GREB1: variants seen among roughly 807,000 people sequenced by gnomAD.
GREB1 encodes the protein protein GREB1.
Under a neutral mutation model 200.7 loss-of-function variants are expected in GREB1, and 106 were observed. That is an observed-to-expected ratio of 0.53 (90% CI 0.45 to 0.62). The LOEUF (loss-of-function observed/expected upper bound fraction) is 0.62. GREB1 is among the 20% of genes least tolerant of loss of function. GREB1 has a pLI of 0.00. For missense variants in GREB1, 2,243 were observed against 2,556.8 expected (o/e 0.88, Z 2.65); for synonymous variants, 1,132 against 1,092.4 (o/e 1.04, Z -0.72).
intron 1 of GREB1, among the ~76,000 whole-genome samples, chr2:11,489,127 T>TAA (rs1443729985): frequency 1.3e-5 from 2 of 152,138 alleles, no homozygotes; most frequent in African/African-American, 4.8e-5. Context: ...AGCCTCATAC[T>TAA]GGTAGGAACA....
chr2:11,624,828 T>C (rs1285799195), intron 23 of GREB1, among the ~76,000 whole-genome samples: 1 of 152,206 alleles, frequency 6.6e-6, no homozygotes, highest in Non-Finnish European at 1.5e-5. Flanking sequence ...CAATTTTTTT[T>C]TTAAGCTCAA....
rs551423155 is a variant in GREB1 at position 11,567,935 on chromosome 2, C to T, written c.454+1279C>T. Among the ~76,000 whole-genome samples the T allele has an allele frequency of 1.2e-4, 18 of 152,298 alleles. No homozygotes were observed. The East Asian group carries it at 3.5e-3, about 29-fold the overall frequency. On this transcript the variant is annotated intron_variant, in intron 4 of 32. Coordinates refer to ENST00000381486, the MANE Select transcript of GREB1 (RefSeq NM_014668.4). ...GCGGGGAGGTGACTTCCACATGTGC[C>T]CTGGCCCTTTGGCAGTCTGTTCTCA...
In GREB1 at chr2:11,629,305, G is replaced by A. The variant is rs1319120312; in HGVS notation, c.4450-643G>A. 3.3e-5 allele frequency among the ~76,000 whole-genome samples: 5 copies of A among 152,172 alleles called. No individual in the cohort carries two copies. Among genetic ancestry groups the A allele is most frequent in the African/African-American group, 7.2e-5 (3 of 41,424 alleles). On this transcript the variant is annotated intron_variant, in intron 25 of 32. Coordinates refer to ENST00000381486, the MANE Select transcript of GREB1 (RefSeq NM_014668.4). This position sits in a 1 kb window ranked among gnomAD's most constrained non-coding sequence, Gnocchi z 5.2. Reference sequence around the variant, plus strand: ...CTGGAGGTCACACCCAGAGCAGCACGTGCACAGATGTGGGGTGTGAGGCTC... The same window carrying A: ...CTGGAGGTCACACCCAGAGCAGCACATGCACAGATGTGGGGTGTGAGGCTC...
At chr2:11,625,104 T>A in intron 23 of GREB1, 50 bp from the exon 24 acceptor site, 1 of 1,445,674 alleles carries the variant, frequency 6.9e-7, no homozygotes. Flanking sequence ...TGACTGTAAA[T>A]CATTTTCACT....
chr2:11,545,808 C>A (rs1292795111), intron 1 of GREB1, among the ~76,000 whole-genome samples: 3 of 152,182 alleles, frequency 2.0e-5, no homozygotes, highest in Admixed American at 2.0e-4. Context: ...CAAGAAAAAT[C>A]TCTGCACAGA....
intron 1 of GREB1, among the ~76,000 whole-genome samples, chr2:11,494,225 C>T (rs1558481842): frequency 2.0e-5 from 3 of 152,226 alleles, no homozygotes; most frequent in South Asian, 4.1e-4. Flanking sequence ...CAGTCTGATC[C>T]GGGGGTGCCC....
At chr2:11,589,274 T>A (rs935567113) in intron 10 of GREB1, among the ~76,000 whole-genome samples, 2 of 151,968 alleles carry the variant, frequency 1.3e-5, no homozygotes, top group African/African-American at 4.8e-5. Context: ...CAGGTAAAGA[T>A]GGGTGCATGC....
chr2:11,527,356 A>G (rs1444235437), intron 1 of GREB1, among the ~76,000 whole-genome samples: 1 of 152,186 alleles, frequency 6.6e-6, no homozygotes, highest in East Asian at 1.9e-4. Flanking sequence ...TGGTTGTGGG[A>G]CCTCATATAA....
At position 11,565,047 on chromosome 2, in the gene GREB1, TG is replaced by T. The variant is rs1366307049; in HGVS notation, c.278-1430del. Among the ~76,000 whole-genome samples, 18 of 152,168 alleles carry T rather than the reference TG, an allele frequency of 1.2e-4. No individual in the cohort carries two copies. The East Asian group carries it at 1.3e-3, about 11-fold the overall frequency. Reference sequence around the variant, plus strand: ...CCCACCGTATCCCTCCCACAATATGTGGGAATTGTGGGAATTACAGTTTAAG... The same window carrying T: ...CCCACCGTATCCCTCCCACAATATGTGGAATTGTGGGAATTACAGTTTAAG... On this transcript the variant is annotated intron_variant, in intron 3 of 32. Coordinates refer to ENST00000381486, the MANE Select transcript of GREB1 (RefSeq NM_014668.4).
At position 11,618,390 on chromosome 2, in the gene GREB1, C is replaced by T. The variant is rs140938943; in HGVS notation, c.3515C>T (p.Ala1172Val). 5.4e-4 allele frequency: 877 copies of T among 1,611,644 alleles called. 5 individuals are homozygous for T. The highest frequency in any genetic ancestry group is 3.4e-4 in the Non-Finnish European group (403 of 1,179,310). The change falls in exon 22 of 33, where the codon GCC becomes GTC. Residue 1172 changes from alanine (A) to valine (V), a missense_variant. By Grantham distance (64) the Ala-to-Val change is moderately conservative (BLOSUM62 0). Around this residue, in one of 3 missense-constraint regions of GREB1, gnomAD observed 587 missense variants for 553.1 expected, o/e 1.06. Coordinates refer to ENST00000381486, the MANE Select transcript of GREB1 (RefSeq NM_014668.4). ...QPRGPAEEGR[A>V]PGEKQRPRAS... ...CGTGGCCCCGCAGAGGAGGGCAGAG[C>T]CCCTGGTGAGAAACAGAGGCCCCGG...
chr2:11,553,327 C>G (rs571103782), intron 1 of GREB1, among the ~76,000 whole-genome samples: 18 of 152,012 alleles, frequency 1.2e-4, no homozygotes, highest in Admixed American at 3.9e-4. Context: ...GGTGAAACCC[C>G]GTCTCTACAA....
rs1491144646 is a variant in GREB1, at chr2:11,614,125, A to AC, written c.3123-966_3123-965insC. On this transcript the variant is annotated intron_variant, in intron 19 of 32. Coordinates refer to ENST00000381486, the MANE Select transcript of GREB1 (RefSeq NM_014668.4). Reference sequence around the variant, plus strand: ...TTAATCTTTATCACAGCGGACTTAGATTTTTTTTTTTTTTTTTTTGAGACG... The same window carrying AC: ...TTAATCTTTATCACAGCGGACTTAGACTTTTTTTTTTTTTTTTTTTGAGACG... Among the ~76,000 whole-genome samples, 485 of 99,544 alleles carry AC rather than the reference A, an allele frequency of 4.9e-3. 2 individuals are homozygous for AC. The highest frequency in any genetic ancestry group is 0.013 in the African/African-American group (445 of 35,388). The allele number at this position is 99,544 out of a possible 152,430, so 65.3% of individuals were successfully genotyped here. A position where few individuals can be genotyped will look rare whatever the true frequency, so the allele number is the denominator to read the frequency against.
chr2:11,484,587 A>T (rs1394456522), intron 1 of GREB1, among the ~76,000 whole-genome samples: 2 of 11,242 alleles, frequency 1.8e-4, no homozygotes, highest in African/African-American at 1.3e-4. Flanking sequence ...TCATCTCTTA[A>T]AAAACAAAAA....
At chr2:11,533,101 G>A (rs1674135739), upstream of GREB1, among the ~76,000 whole-genome samples, 1 of 152,192 alleles carries the variant, frequency 6.6e-6, no homozygotes, top group African/African-American at 2.4e-5. Context: ...AGAAGAGAGA[G>A]ACTGATCAAC....
chr2:11,494,859 A>G (rs1672846333), intron 1 of GREB1, among the ~76,000 whole-genome samples: 1 of 152,186 alleles, frequency 6.6e-6, no homozygotes, highest in African/African-American at 2.4e-5. Context: ...TGCCTCATAC[A>G]TGAAAAGAGC....
chr2:11,612,742 G>T lies in GREB1; in HGVS notation c.3122+132G>T, dbSNP rs367839747. The T allele has an allele frequency of 6.1e-4, 367 of 604,696 alleles. 2 individuals carry two copies. The highest frequency in any genetic ancestry group is 6.0e-3 in the African/African-American group (323 of 53,884). The allele number at this position is 604,696 out of a possible 1,614,324, so 37.5% of individuals were successfully genotyped here. On this transcript the variant is annotated intron_variant, in intron 19 of 32. Coordinates refer to ENST00000381486, the MANE Select transcript of GREB1 (RefSeq NM_014668.4). ...ACTCACATTCACAGGCCCCGTGGGT[G>T]GGGCCTTCATCGTGGCTTTCCCAGC...
rs538826695 is a variant in GREB1, at chr2:11,626,974, C to A, written c.4319C>A (p.Ser1440Tyr). The A allele has an allele frequency of 6.7e-5, 108 of 1,614,142 alleles. 2 individuals carry two copies. The South Asian group carries it at 1.2e-3, about 17-fold the overall frequency. Residue 1440 changes from serine to tyrosine, a missense_variant, in exon 25 of 33, where the codon TCC becomes TAC. Transcript: ENST00000381486. ...GAATTTGGTGCAGACAGAGGGATGT[C>A]CCGGAAGCCGGAGGACCTTTATGTG... ...QGIKSEDRGM[S>Y]RKPEDLYVRR...
intron 23 of GREB1, 43 bp downstream of exon 23, chr2:11,621,050 C>T (rs1683970596): frequency 9.4e-7 from 1 of 1,068,078 alleles, no homozygotes. Context: ...GAGCCACCTT[C>T]ATCACTTTCT....
intron 1 of GREB1, among the ~76,000 whole-genome samples, chr2:11,551,933 T>A (rs770107214): frequency 1.6e-4 from 24 of 152,270 alleles, no homozygotes; most frequent in Non-Finnish European, 2.4e-4. Flanking sequence ...TCACTTGTCA[T>A]TTATAATCTG....
Sources: gnomAD v4.1 joint callset for allele counts (sites outside exome capture counted in the v4.1 genomes callset) on GRCh38, gnomAD v4.1.1 for gene constraint, gnomAD v4.1.1 regional missense constraint, Gnocchi (gnomAD v3.1) non-coding constraint, MANE v1.5 for transcripts, NCBI Gene and HGNC (gene_info 2026-07-23, HGNC 2026-07-21) for gene names.